Variants in CPLANE1 observed in about 807,000 individuals in gnomAD.
The protein encoded by CPLANE1 is ciliogenesis and planar polarity effector complex subunit 1.
CPLANE1 carries 263 observed loss-of-function variants against 362.5 expected under a neutral mutation model. The ratio of observed to expected loss-of-function variants is 0.73; its 90% CI spans 0.66 to 0.80. CPLANE1 has a LOEUF of 0.80. Among genes scored for constraint, CPLANE1 ranks in the 30% least tolerant of loss-of-function variants. The pLI is 0.00. For synonymous variants in CPLANE1, 1,212 were observed against 1,302.6 expected, an observed-to-expected ratio of 0.93 and a Z score of 1.50; for missense variants, 3,461 against 3,793.4, an observed-to-expected ratio of 0.91 and a Z score of 2.30.
In CPLANE1 at chr5:37,140,487, G is replaced by A. The variant is rs114255560; in HGVS notation, c.8633-1117C>T. On this transcript the variant is annotated intron_variant, in intron 44 of 52. Coordinates refer to ENST00000651892, the MANE Select transcript of CPLANE1 (RefSeq NM_001384732.1). ...ACATAAATCTAAGATTAGCGTAATA[G>A]TAATAGTTCTACCCCTTATAGCTTT... The A allele has an allele frequency of 1.2e-3, 1,218 of 984,072 alleles. 12 individuals are homozygous for A. In the African/African-American group the frequency reaches 0.019, roughly 16 times the overall value. 61.0% of individuals were successfully genotyped at this position (984,072 alleles called of 1,614,324 possible). A position where few individuals can be genotyped will look rare whatever the true frequency, so the allele number is the denominator to read the frequency against.
At chr5:37,147,971 CAAAAAA>C (rs11284644) in intron 43 of CPLANE1, among the ~76,000 whole-genome samples, 3 of 15,310 alleles carry the variant, frequency 2.0e-4, no homozygotes, top group Admixed American at 9.8e-4. Flanking sequence ...ACTGCCTTCT[CAAAAAA>C]AAAAAAAAAA....
In CPLANE1 at chr5:37,213,718, G is replaced by C; in HGVS notation, c.2761C>G (p.His921Asp). 1 of 1,511,012 alleles carries C rather than the reference G, an allele frequency of 6.6e-7. No homozygotes were observed. The allele number at this position is 1,511,012 out of a possible 1,614,324, so 93.6% of individuals were successfully genotyped here. Reference sequence around the variant, plus strand: ...CCGCCCACCATTCCACACTCAAAATGAGACTTTGCAGCACCTAAGGAATAC... The same window carrying C: ...CCGCCCACCATTCCACACTCAAAATCAGACTTTGCAGCACCTAAGGAATAC... ...NKDFSGAAKSHFECGMVGGVH... is the reference protein window; with the variant it reads ...NKDFSGAAKSDFECGMVGGVH... The change falls in exon 16 of 53, where the codon CAT becomes GAT. Residue 921 changes from histidine (H) to aspartate (D), a missense_variant. This residue lies in a region of CPLANE1 where 3,380 missense variants were observed against 3,666.1 expected (regional missense o/e 0.92). Transcript: ENST00000651892.
intron 38 of CPLANE1, among the ~76,000 whole-genome samples, chr5:37,159,668 A>C (rs1449482604): frequency 6.6e-6 from 1 of 152,192 alleles, no homozygotes; most frequent in East Asian, 1.9e-4. Context: ...TGTAACTCAT[A>C]TTGAGTACTT....
intron 15 of CPLANE1, among the ~76,000 whole-genome samples, chr5:37,219,373 C>T (rs1231677894): frequency 6.6e-6 from 1 of 151,888 alleles, no homozygotes; most frequent in Non-Finnish European, 1.5e-5. Flanking sequence ...ACTAAAAATA[C>T]AAAAGTCAGC....
At chr5:37,238,382 C>T (rs1581001122) in intron 8 of CPLANE1, among the ~76,000 whole-genome samples, 1 of 151,326 alleles carries the variant, frequency 6.6e-6, no homozygotes, top group African/African-American at 2.4e-5. Context: ...GGGGTTTCAC[C>T]ATTTTGGCCA....
At chr5:37,211,682 G>C in intron 16 of CPLANE1, 1 of 785,060 alleles carries the variant, frequency 1.3e-6, no homozygotes, top group East Asian at 2.4e-5. Context: ...GAATGCCCCC[G>C]CCATCACCCG....
intron 38 of CPLANE1, among the ~76,000 whole-genome samples, chr5:37,160,750 C>A (rs1776641230): frequency 6.7e-6 from 1 of 149,986 alleles, no homozygotes; most frequent in Non-Finnish European, 1.5e-5. Flanking sequence ...CGGCTCACTG[C>A]AAGCTCTGCC....
At chr5:37,120,463 G>T in intron 49 of CPLANE1, 123 bp from the exon 50 acceptor site, 1 of 736,190 alleles carries the variant, frequency 1.4e-6, no homozygotes, top group Non-Finnish European at 2.0e-6. Flanking sequence ...CCAGCTACTG[G>T]CGAGGGTGGG....
At position 37,125,099 on chromosome 5, in the gene CPLANE1, T is replaced by C. The variant is rs921859382; in HGVS notation, c.8958+145A>G. 1.0e-4 allele frequency: 141 copies of C among 1,377,028 alleles called. 1 individual carries two copies. The highest frequency in any genetic ancestry group is 7.8e-5 in the Admixed American group (3 of 38,694). 85.3% of individuals were successfully genotyped at this position (1,377,028 alleles called of 1,614,324 possible). On this transcript the variant is annotated intron_variant, in intron 47 of 52. Coordinates refer to ENST00000651892, the MANE Select transcript of CPLANE1 (RefSeq NM_001384732.1). ...AACATTTTAAGATAATTTATTAACT[T>C]TTCCTGACTTAAGTAAAACATTTAC... is the stretch of plus-strand genomic sequence containing the variant.
chr5:37,077,164 T>A, the CPLANE1 span, among the ~76,000 whole-genome samples: 4 of 152,002 alleles, frequency 2.6e-5, 1 homozygote, highest in South Asian at 8.3e-4. Context: ...GGGGTATAGG[T>A]GCTAGGAATT....
chr5:37,207,439 G>T (rs1791084301), intron 16 of CPLANE1, among the ~76,000 whole-genome samples: 1 of 152,132 alleles, frequency 6.6e-6, no homozygotes, highest in East Asian at 1.9e-4. Flanking sequence ...TTCACTACGA[G>T]CAAGGTAATA....
intron 32 of CPLANE1, among the ~76,000 whole-genome samples, chr5:37,173,443 A>C (rs764714678): frequency 1.3e-5 from 2 of 152,044 alleles, no homozygotes; most frequent in Non-Finnish European, 2.9e-5. Flanking sequence ...TGGGCCCTAG[A>C]GGTCTTTTTT....
chr5:37,183,351 C>G lies in CPLANE1; in HGVS notation c.4830G>C (p.Gln1610His), dbSNP rs1364582417. The change falls in exon 26 of 53, where the codon CAG becomes CAC. Residue 1610 changes from glutamine (Q) to histidine (H), a missense_variant. Coordinates refer to ENST00000651892, the MANE Select transcript of CPLANE1 (RefSeq NM_001384732.1). The part of the protein sequence containing the change: ...LKRHQSKTKS[Q>H]NVFRAGSCFV... ...AGCAAGAACCAGCTCTAAACACATT[C>G]TGGCTTTTAGTTTTGCTCTGATGTC... The G allele has an allele frequency of 6.2e-7, 1 of 1,612,518 alleles. No individual in the cohort carries two copies.
At chr5:37,170,459 G>T in intron 32 of CPLANE1, 128 bp from the exon 33 acceptor site, 2 of 1,028,240 alleles carry the variant, frequency 1.9e-6, no homozygotes, top group Non-Finnish European at 2.8e-6. Flanking sequence ...AATCATGAAT[G>T]CTGAGCAGGA....
Position 37,107,588 on chromosome 5 carries a change from A to G in CPLANE1, c.*14T>C, listed in dbSNP as rs758449287. The G allele has an allele frequency of 6.6e-5, 105 of 1,595,934 alleles. No individual in the cohort carries two copies. Among genetic ancestry groups the G allele is most frequent in the Middle Eastern group, 2.2e-4 (1 of 4,446 alleles). On this transcript the variant is annotated 3_prime_UTR_variant, in exon 53 of 53. Transcript: ENST00000651892. ...GTGCTGGCCTGTGCATGGAAACCCAATGATATCCAGGTCTTACAGGTCCAG... is the reference window on the plus strand; with the variant it reads ...GTGCTGGCCTGTGCATGGAAACCCAGTGATATCCAGGTCTTACAGGTCCAG...
Position 37,114,952 on chromosome 5 carries a change from T to A in CPLANE1, c.9400+8A>T. ...AAGTCTAAAAACTTTATCTTCTTTA[T>A]CCCTTACCTTTTTGGAAGGTAACTG... On this transcript the variant is annotated splice_region_variant and intron_variant, in intron 51 of 52. Transcript: ENST00000651892. 6.5e-7 allele frequency: 1 copy of A among 1,543,670 alleles called. No homozygotes were observed. The highest frequency in any genetic ancestry group is 8.9e-7 in the Non-Finnish European group (1 of 1,119,108).
chr5:37,181,583 G>A (rs553219634), intron 26 of CPLANE1, among the ~76,000 whole-genome samples: 42 of 152,328 alleles, frequency 2.8e-4, no homozygotes, highest in African/African-American at 8.9e-4. Context: ...GAGAGGCCAA[G>A]GTGGGAAGGT....
the CPLANE1 span, among the ~76,000 whole-genome samples, chr5:37,091,662 C>T: frequency 6.6e-6 from 1 of 152,182 alleles, no homozygotes; most frequent in African/African-American, 2.4e-5. Flanking sequence ...CCTCTCAAGA[C>T]ATAAAGCCTG....
the CPLANE1 span, among the ~76,000 whole-genome samples, chr5:37,099,802 C>T: frequency 6.6e-6 from 1 of 151,936 alleles, no homozygotes; most frequent in Non-Finnish European, 1.5e-5. Flanking sequence ...CTCACCAGCA[C>T]CTGTTGTTTC....
Sources: gnomAD v4.1 joint callset for allele counts (sites outside exome capture counted in the v4.1 genomes callset) on GRCh38, gnomAD v4.1.1 for gene constraint, gnomAD v4.1.1 regional missense constraint, MANE v1.5 for transcripts, NCBI Gene and HGNC (gene_info 2026-07-23, HGNC 2026-07-21) for gene names.